The following CRYL1 variants were observed in gnomAD, a reference collection of about 807,000 sequenced individuals.
CRYL1 encodes the protein lambda-crystallin homolog.
A neutral mutation model predicts 36.6 loss-of-function variants in CRYL1; 29 were observed. That is an observed-to-expected ratio of 0.79 (90% CI 0.59 to 1.08). The LOEUF (loss-of-function observed/expected upper bound fraction) is 1.08. Ranked by LOEUF, CRYL1 falls within the 50% of genes least tolerant of loss-of-function variation. The pLI is 0.00. For synonymous variants in CRYL1, 152 were observed against 151.5 expected (o/e 1.00, Z -0.02); for missense variants, 411 against 407.9 (o/e 1.01, Z -0.06).
chr13:20,429,058 C>A (rs919129854), intron 5 of CRYL1, among the ~76,000 whole-genome samples: 9 of 152,150 alleles, frequency 5.9e-5, no homozygotes, highest in African/African-American at 1.7e-4. Context: ...TCCTAGTTGC[C>A]CCCCGACCAA....
intron 3 of CRYL1, among the ~76,000 whole-genome samples, chr13:20,450,293 A>G (rs1292852800): frequency 6.6e-6 from 1 of 152,220 alleles, no homozygotes; most frequent in African/African-American, 2.4e-5. Context: ...CTTCATCCCT[A>G]CAACGATTGG....
At chr13:20,471,311 G>T (rs910360871) in intron 3 of CRYL1, among the ~76,000 whole-genome samples, 1 of 151,988 alleles carries the variant, frequency 6.6e-6, no homozygotes, top group African/African-American at 2.4e-5. Context: ...GGTGGCTCAC[G>T]CCTGTAATCC....
intron 3 of CRYL1, among the ~76,000 whole-genome samples, chr13:20,473,517 G>C (rs2033102309): frequency 6.6e-6 from 1 of 152,278 alleles, no homozygotes; most frequent in Non-Finnish European, 1.5e-5. Context: ...GACCTGGCCA[G>C]AGTGGGTGGG....
intron 5 of CRYL1, among the ~76,000 whole-genome samples, chr13:20,422,979 T>C (rs1339707029): frequency 1.3e-5 from 2 of 152,238 alleles, no homozygotes; most frequent in African/African-American, 4.8e-5. Context: ...GTAATTATAG[T>C]TGTCAGTGTA....
At chr13:20,466,541 A>G (rs1565973841) in intron 3 of CRYL1, among the ~76,000 whole-genome samples, 1 of 152,232 alleles carries the variant, frequency 6.6e-6, no homozygotes, top group Non-Finnish European at 1.5e-5. Context: ...AGCAGCTCAA[A>G]TACACAAGCC....
chr13:20,469,414 G>A (rs1225945602), intron 3 of CRYL1, among the ~76,000 whole-genome samples: 2 of 152,204 alleles, frequency 1.3e-5, no homozygotes, highest in Admixed American at 6.5e-5. Context: ...GGAAGCCCTT[G>A]AGAAGTTCAG....
chr13:20,460,847 T>G (rs1414187215), intron 3 of CRYL1, among the ~76,000 whole-genome samples: 1 of 152,020 alleles, frequency 6.6e-6, no homozygotes, highest in Non-Finnish European at 1.5e-5. Flanking sequence ...TTTCTAAGAG[T>G]TAAGTAATTT....
intron 5 of CRYL1, among the ~76,000 whole-genome samples, chr13:20,428,435 C>T (rs2031980780): frequency 1.3e-5 from 2 of 151,958 alleles, no homozygotes; most frequent in Non-Finnish European, 2.9e-5. Context: ...AAAGATAATA[C>T]AAAAAAAGAA....
At chr13:20,447,535 G>T (rs887790325) in intron 3 of CRYL1, among the ~76,000 whole-genome samples, 4 of 151,738 alleles carry the variant, frequency 2.6e-5, no homozygotes, top group African/African-American at 9.7e-5. Context: ...TCCCTAGGCT[G>T]ACAAGTATTA....
chr13:20,467,105 G>A (rs1244116477), intron 3 of CRYL1, among the ~76,000 whole-genome samples: 4 of 65,500 alleles, frequency 6.1e-5, no homozygotes, highest in South Asian at 9.5e-4. Flanking sequence ...CTGCCACCAC[G>A]CCCGGCTGAT....
rs1457700916 is a variant in CRYL1 at position 20,415,467 on chromosome 13, G to T, written c.634-2080C>A. Among the ~76,000 whole-genome samples the T allele has an allele frequency of 6.6e-6, 1 of 152,184 alleles. No homozygotes were observed. Among genetic ancestry groups the T allele is most frequent in the African/African-American group, 2.4e-5 (1 of 41,458 alleles). ...GCCCTGCGTCTGCAGAGAGCGCGGC[G>T]GTGAAGCGGGAGCAGGCGGCCTGGC... On this transcript the variant is annotated intron_variant, in intron 5 of 7. Transcript: ENST00000298248. The surrounding 1 kb of genome is among the most constrained non-coding windows in gnomAD (Gnocchi z 4.1).
chr13:20,477,386 G>A (rs2033187306), intron 3 of CRYL1, among the ~76,000 whole-genome samples: 1 of 151,300 alleles, frequency 6.6e-6, no homozygotes, highest in Non-Finnish European at 1.5e-5. Flanking sequence ...ACTAGGCACT[G>A]TTTTAGGTGT....
intron 3 of CRYL1, among the ~76,000 whole-genome samples, chr13:20,483,696 T>A (rs2033328114): frequency 6.7e-6 from 1 of 150,260 alleles, no homozygotes; most frequent in Non-Finnish European, 1.5e-5. Context: ...TGCACCACCA[T>A]GCCATGCTAA....
rs1399810030 is a variant in CRYL1 at position 20,426,634 on chromosome 13, G to A, written c.633+5468C>T. 14 of 933,730 alleles carry A rather than the reference G, an allele frequency of 1.5e-5. No individual in the cohort carries two copies. The South Asian group carries it at 2.0e-4, about 13-fold the overall frequency. 57.8% of individuals were successfully genotyped at this position (933,730 alleles called of 1,614,324 possible). Reference sequence around the variant, plus strand: ...CAGAGACACATACAGAGCCAGGGACGTGGTATGTGCATACAAATGATATTC... The same window carrying A: ...CAGAGACACATACAGAGCCAGGGACATGGTATGTGCATACAAATGATATTC... On this transcript the variant is annotated intron_variant, in intron 5 of 7. Coordinates refer to ENST00000298248, the MANE Select transcript of CRYL1 (RefSeq NM_015974.3).
intron 3 of CRYL1, among the ~76,000 whole-genome samples, chr13:20,457,767 T>G (rs58527645): frequency 0.082 from 12,494 of 152,290 alleles, 702 homozygotes; most frequent in African/African-American, 0.15. Flanking sequence ...TTGCTGGGCT[T>G]GTTCTGCACC....
At chr13:20,411,114 A>G (rs1334886951) in intron 6 of CRYL1, among the ~76,000 whole-genome samples, 2 of 152,254 alleles carry the variant, frequency 1.3e-5, no homozygotes, top group Non-Finnish European at 2.9e-5. Flanking sequence ...TTATGAAAAC[A>G]GTATCAGAAA....
At chr13:20,506,383 G>A (rs2057860857) in intron 2 of CRYL1, among the ~76,000 whole-genome samples, 1 of 152,126 alleles carries the variant, frequency 6.6e-6, no homozygotes, top group African/African-American at 2.4e-5. Flanking sequence ...GAATATGACT[G>A]CTAACAGTCA....
intron 7 of CRYL1, 110 bp downstream of exon 7, chr13:20,404,519 CAAGGGT>C: frequency 1.4e-6 from 1 of 716,560 alleles, no homozygotes; most frequent in East Asian, 2.5e-5. Context: ...CCACCAAGAT[CAAGGGT>C]AAAGATTCCA....
At position 20,432,772 on chromosome 13, in the gene CRYL1, C is replaced by T. The variant is rs914067517; in HGVS notation, c.439-476G>A. 3.9e-5 allele frequency among the ~76,000 whole-genome samples: 6 copies of T among 152,136 alleles called. 1 individual carries two copies. In the South Asian group the frequency reaches 1.2e-3, roughly 32 times the overall value. ...GTGGCTCACACCTGTAATCCCAGAA[C>T]TTTGGGAGGTCGAGGTGGAGGGATC... is the stretch of plus-strand genomic sequence containing the variant. On this transcript the variant is annotated intron_variant, in intron 4 of 7. Transcript: ENST00000298248.
Sources: allele counts gnomAD v4.1 joint callset (sites outside exome capture counted in the v4.1 genomes callset), GRCh38; gene constraint gnomAD v4.1.1; non-coding constraint Gnocchi (gnomAD v3.1); transcripts MANE v1.5; gene names NCBI Gene and HGNC (gene_info 2026-07-23, HGNC 2026-07-21).